PNPLA6: variants seen among roughly 807,000 people sequenced by gnomAD.
PNPLA6 encodes the protein patatin like domain 6, lysophospholipase.
A neutral mutation model predicts 153.7 loss-of-function variants in PNPLA6; 105 were observed. The ratio of observed to expected loss-of-function variants is 0.68; its 90% CI spans 0.58 to 0.80. The LOEUF is 0.80. Among genes scored for constraint, PNPLA6 ranks in the 30% least tolerant of loss-of-function variants. PNPLA6 has a pLI of 0.00. For missense variants in PNPLA6, 1,423 were observed against 1,919.3 expected (o/e 0.74, Z 4.83); for synonymous variants, 825 against 822.2 (o/e 1.00, Z -0.06).
At chr19:7,560,265 T>C (rs867396759) in intron 28 of PNPLA6, among the ~76,000 whole-genome samples, 3 of 152,124 alleles carry the variant, frequency 2.0e-5, no homozygotes, top group African/African-American at 7.2e-5. Context: ...TGATGTCCCT[T>C]GTGGGCTCAC....
intron 13 of PNPLA6, among the ~76,000 whole-genome samples, chr19:7,548,746 T>TAG (rs1363890456): frequency 6.6e-6 from 1 of 150,784 alleles, no homozygotes; most frequent in African/African-American, 2.5e-5. Context: ...CACACATATA[T>TAG]ATATAGAGAG....
Position 7,540,028 on chromosome 19 carries a change from C to T in PNPLA6, c.524C>T (p.Ser175Phe). The T allele has an allele frequency of 6.2e-7, 1 of 1,611,560 alleles. No homozygotes were observed. Among genetic ancestry groups the T allele is most frequent in the Non-Finnish European group, 8.5e-7 (1 of 1,178,944 alleles). Residue 175 changes from serine (S) to phenylalanine (F), a missense_variant, in exon 4 of 32, where the codon TCT becomes TTT. Ser to Phe is a radical substitution (Grantham distance 155). Transcript: ENST00000600737. The surrounding 1 kb of genome is among the most constrained non-coding windows in gnomAD (Gnocchi z 6.8). The part of the protein sequence containing the change: ...EGDLANSHLP[S>F]EVLYMLKNVR... The stretch of plus-strand genomic sequence containing the variant: ...GACCTGGCTAACTCCCATCTGCCCT[C>T]TGAAGTGCTTTATATGCTCAAGAAC...
intron 18 of PNPLA6, among the ~76,000 whole-genome samples, chr19:7,552,099 G>GA (rs1350172862): frequency 6.6e-6 from 1 of 152,186 alleles, no homozygotes; most frequent in African/African-American, 2.4e-5. Context: ...GACAGAGCTA[G>GA]AACCTGTTTC....
intron 13 of PNPLA6, among the ~76,000 whole-genome samples, chr19:7,548,307 G>T (rs897339308): frequency 3.3e-5 from 5 of 151,356 alleles, no homozygotes; most frequent in Non-Finnish European, 7.4e-5. Context: ...TTGTATCACT[G>T]CACTCCAGCC....
intron 13 of PNPLA6, among the ~76,000 whole-genome samples, chr19:7,547,142 T>C (rs917061434): frequency 3.3e-5 from 5 of 152,150 alleles, no homozygotes; most frequent in Non-Finnish European, 7.4e-5. Context: ...TGACCTCAAG[T>C]GATCCATCCA....
At position 7,555,774 on chromosome 19, in the gene PNPLA6, C is replaced by T. The variant is rs376813156; in HGVS notation, c.3093+11C>T. On this transcript the variant is annotated intron_variant, in intron 24 of 31. Coordinates refer to ENST00000600737, the MANE Select transcript of PNPLA6 (RefSeq NM_001166114.2). This position sits in a 1 kb window ranked among gnomAD's most constrained non-coding sequence, Gnocchi z 6.3. ...CGGGAGTGGGCCAAGGTGTGTGTTGCGAGGAGGGATTGCTGCACCCCAGGA... is the reference window on the plus strand; with the variant it reads ...CGGGAGTGGGCCAAGGTGTGTGTTGTGAGGAGGGATTGCTGCACCCCAGGA... 99 of 1,612,314 alleles carry T rather than the reference C, an allele frequency of 6.1e-5. No individual in the cohort carries two copies. The highest frequency in any genetic ancestry group is 7.7e-5 in the Non-Finnish European group (91 of 1,179,716).
At position 7,555,545 on chromosome 19, in the gene PNPLA6, AG is replaced by A. The variant is rs887404047; in HGVS notation, c.2937-58del. The A allele has an allele frequency of 7.7e-5, 121 of 1,572,834 alleles. No homozygotes were observed. Among genetic ancestry groups the A allele is most frequent in the Non-Finnish European group, 9.4e-5 (108 of 1,152,446 alleles). Reference sequence around the variant, plus strand: ...AGCAGTGCGGGAGGTGGGAGGAGGTAGGGGCAGGGGAGTTCCTGCAGGTGGG... The same window carrying A: ...AGCAGTGCGGGAGGTGGGAGGAGGTAGGGCAGGGGAGTTCCTGCAGGTGGG... On this transcript the variant is annotated intron_variant, in intron 23 of 31. Transcript: ENST00000600737. This position sits in a 1 kb window ranked among gnomAD's most constrained non-coding sequence, Gnocchi z 6.3.
At chr19:7,535,679 C>T, upstream of PNPLA6, 4 of 1,531,032 alleles carry the variant, frequency 2.6e-6, no homozygotes, top group Non-Finnish European at 3.5e-6. The surrounding 1 kb of genome is among the most constrained non-coding windows in gnomAD (Gnocchi z 5.0). Context: ...GGCGATAACG[C>T]GCTGCGTCCG....
At chr19:7,534,736 G>C (rs2022759628), upstream of PNPLA6, 1 of 152,464 alleles carries the variant, frequency 6.6e-6, no homozygotes, top group Non-Finnish European at 1.5e-5. Flanking sequence ...AGCGTCTCTG[G>C]TTACGCCTCC....
At chr19:7,558,540 G>GAGAGTT (rs2023979058) in intron 27 of PNPLA6, among the ~76,000 whole-genome samples, 1 of 152,200 alleles carries the variant, frequency 6.6e-6, no homozygotes, top group African/African-American at 2.4e-5. Flanking sequence ...GCTGAGGCAA[G>GAGAGTT]AGAGTTGCTT....
upstream of PNPLA6, chr19:7,534,261 C>T (rs944422576): frequency 6.0e-5 from 18 of 301,592 alleles, no homozygotes; most frequent in Admixed American, 4.0e-4. Flanking sequence ...TTTCCGTTAG[C>T]CTCGCAGGGG....
chr19:7,547,230 G>C (rs1054121890), intron 13 of PNPLA6, among the ~76,000 whole-genome samples: 2 of 152,092 alleles, frequency 1.3e-5, no homozygotes, highest in African/African-American at 4.8e-5. Flanking sequence ...TTTAAGCACT[G>C]TGTGTTTGTT....
rs1405831291 is a variant in PNPLA6 at position 7,541,081 on chromosome 19, CT to C, written c.924+31del. 5.0e-6 allele frequency: 8 copies of C among 1,600,864 alleles called. No homozygotes were observed. The highest frequency in any genetic ancestry group is 6.8e-6 in the Non-Finnish European group (8 of 1,175,022). On this transcript the variant is annotated intron_variant, in intron 7 of 31. Transcript: ENST00000600737. This position sits in a 1 kb window ranked among gnomAD's most constrained non-coding sequence, Gnocchi z 5.2. ...GTGGGCCTTCGCCTCCTGTCACCCC[CT>C]GAGGGACCCCACCCTGGCCCCCACC...
chr19:7,550,677 T>C, intron 16 of PNPLA6, 37 bp downstream of exon 16: 1 of 1,606,780 alleles, frequency 6.2e-7, no homozygotes, highest in Non-Finnish European at 8.5e-7. Context: ...TCTGGCCTTT[T>C]CCAGGCCAGT....
chr19:7,553,287 T>G (rs994398601), intron 18 of PNPLA6, among the ~76,000 whole-genome samples: 1 of 152,236 alleles, frequency 6.6e-6, no homozygotes. Flanking sequence ...GGTCTCGCTC[T>G]GTAGCCCAGG....
rs547713 is a variant in PNPLA6, at chr19:7,558,588, T to C, written c.3398-262T>C. 0.58 allele frequency among the ~76,000 whole-genome samples: 88,151 copies of C among 151,978 alleles called. 25,926 individuals are homozygous for C. Among genetic ancestry groups the C allele is most frequent in the South Asian group, 0.64 (3,071 of 4,814 alleles). ...TGGAGGTTGCATCGAGCCCAGATCGTGCCATTGCACTCCAGCCTGGGCGAC... is the reference window on the plus strand; with the variant it reads ...TGGAGGTTGCATCGAGCCCAGATCGCGCCATTGCACTCCAGCCTGGGCGAC... On this transcript the variant is annotated intron_variant, in intron 27 of 31. Coordinates refer to ENST00000600737, the MANE Select transcript of PNPLA6 (RefSeq NM_001166114.2).
chr19:7,536,551 G>T lies in PNPLA6; in HGVS notation c.413+5G>T. The T allele has an allele frequency of 6.3e-7, 1 of 1,593,068 alleles. No homozygotes were observed. The highest frequency in any genetic ancestry group is 8.6e-7 in the Non-Finnish European group (1 of 1,160,832). On this transcript the variant is annotated splice_donor_5th_base_variant and intron_variant, in intron 3 of 31. Coordinates refer to ENST00000600737, the MANE Select transcript of PNPLA6 (RefSeq NM_001166114.2). ...GATGCTCAACATTGCCAAGAAGTAAGGCTGTGCTGGGTGTGACCTGGTATT... is the reference window on the plus strand; with the variant it reads ...GATGCTCAACATTGCCAAGAAGTAATGCTGTGCTGGGTGTGACCTGGTATT...
Position 7,555,067 on chromosome 19 carries a change from G to A in PNPLA6, c.2809G>A (p.Ala937Thr), listed in dbSNP as rs1359377496. Reference sequence around the variant, plus strand: ...CCGCCTCTTTTCGCGCCGCAGCCCTGCCAAGCTGGTGAGGAGCGGGCCGGC... The same window carrying A: ...CCGCCTCTTTTCGCGCCGCAGCCCTACCAAGCTGGTGAGGAGCGGGCCGGC... ...PRRLFSRRSP[A>T]KLHELYEKVF... Residue 937 changes from alanine to threonine, a missense_variant, in exon 22 of 32, where the codon GCC becomes ACC. By Grantham distance (58) the Ala-to-Thr change is moderately conservative. Transcript: ENST00000600737. This position sits in a 1 kb window ranked among gnomAD's most constrained non-coding sequence, Gnocchi z 6.3. The A allele has an allele frequency of 6.3e-7, 1 of 1,593,478 alleles. No homozygotes were observed. The highest frequency in any genetic ancestry group is 2.2e-5 in the East Asian group (1 of 44,694).
intron 18 of PNPLA6, 62 bp downstream of exon 18, chr19:7,551,499 G>A: frequency 7.3e-7 from 1 of 1,371,950 alleles, no homozygotes; most frequent in Non-Finnish European, 1.0e-6. Flanking sequence ...AGCATGCTGG[G>A]AGGGAAGCCT....
Sources: allele counts gnomAD v4.1 joint callset (sites outside exome capture counted in the v4.1 genomes callset), GRCh38; gene constraint gnomAD v4.1.1; non-coding constraint Gnocchi (gnomAD v3.1); transcripts MANE v1.5; gene names NCBI Gene and HGNC (gene_info 2026-07-23, HGNC 2026-07-21).